Variants in SNX25 observed in about 807,000 individuals in gnomAD.
The protein encoded by SNX25 is sorting nexin 25, also known as sorting nexin-25.
In SNX25, 62 loss-of-function variants were observed where a neutral mutation model predicts 113.7. The observed-to-expected ratio is 0.55, with a 90% CI of 0.44 to 0.67. The LOEUF (loss-of-function observed/expected upper bound fraction) is 0.67, where lower values mean the gene tolerates loss of function less well. Ranked by LOEUF, SNX25 falls within the 30% of genes least tolerant of loss-of-function variation. SNX25 has a pLI of 0.00. For synonymous variants in SNX25, 421 were observed against 436.2 expected, an observed-to-expected ratio of 0.97 and a Z score of 0.43; for missense variants, 1,014 against 1,161.0, an observed-to-expected ratio of 0.87 and a Z score of 1.84.
chr4:185,349,428 C>T (rs964177218), intron 13 of SNX25, among the ~76,000 whole-genome samples: 2 of 152,126 alleles, frequency 1.3e-5, no homozygotes, highest in Non-Finnish European at 2.9e-5. Flanking sequence ...GATGTATATC[C>T]AGTACTGACA....
At chr4:185,369,741 A>T (rs778079049) in intron 11 of SNX25, 1 of 441,476 alleles carries the variant, frequency 2.3e-6, no homozygotes, top group Admixed American at 2.5e-5. Context: ...TGACATTGGA[A>T]TCCCACAGGG....
the SNX25 span, chr4:185,378,254 C>T: frequency 8.8e-6 from 14 of 1,598,186 alleles, no homozygotes; most frequent in Non-Finnish European, 1.2e-5. Context: ...CTTCCTCCAG[C>T]GAAGTGCAAA....
At chr4:185,239,932 T>G (rs1382575625) in intron 1 of SNX25, among the ~76,000 whole-genome samples, 1 of 150,808 alleles carries the variant, frequency 6.6e-6, no homozygotes, top group Non-Finnish European at 1.5e-5. Flanking sequence ...AGTGTTTGTG[T>G]CCCTGGGTAC....
At chr4:185,377,244 G>A in the SNX25 span, 4 of 469,532 alleles carry the variant, frequency 8.5e-6, no homozygotes, top group South Asian at 2.8e-5. Context: ...CTGGCCGGGC[G>A]CGGTGGCTCA....
chr4:185,237,046 T>C (rs923877785), intron 1 of SNX25, among the ~76,000 whole-genome samples: 1 of 152,194 alleles, frequency 6.6e-6, no homozygotes, highest in Non-Finnish European at 1.5e-5. Flanking sequence ...AATTATAGCA[T>C]TTTTGAAATT....
intron 1 of SNX25, among the ~76,000 whole-genome samples, chr4:185,221,025 C>A (rs540091168): frequency 1.6e-4 from 25 of 151,700 alleles, no homozygotes; most frequent in Non-Finnish European, 3.4e-4. Context: ...TGCCACCACA[C>A]CCAGCTAATT....
intron 5 of SNX25, among the ~76,000 whole-genome samples, chr4:185,286,776 C>A (rs1579626018): frequency 6.6e-6 from 1 of 152,188 alleles, no homozygotes; most frequent in Non-Finnish European, 1.5e-5. Flanking sequence ...CAACACTGCT[C>A]CTGACAGCCT....
intron 1 of SNX25, among the ~76,000 whole-genome samples, chr4:185,233,178 G>T (rs1285394662): frequency 2.0e-5 from 3 of 152,168 alleles, no homozygotes; most frequent in Non-Finnish European, 4.4e-5. Context: ...CAGCTATTTG[G>T]GAGGCTGAGG....
chr4:185,235,696 A>G (rs1215127953), intron 1 of SNX25, among the ~76,000 whole-genome samples: 1 of 152,192 alleles, frequency 6.6e-6, no homozygotes. Flanking sequence ...GTTCAAGACC[A>G]GCCTGGGCAA....
intron 2 of SNX25, among the ~76,000 whole-genome samples, chr4:185,249,289 A>G (rs1439787888): frequency 6.6e-6 from 1 of 152,166 alleles, no homozygotes; most frequent in African/African-American, 2.4e-5. Flanking sequence ...GTTGTCTCAT[A>G]TTACCACCAA....
downstream of SNX25, chr4:185,374,404 G>A (rs369234994): frequency 7.2e-5 from 117 of 1,613,970 alleles, no homozygotes; most frequent in Non-Finnish European, 9.5e-5. Context: ...AATTTTAAGT[G>A]TCTTGCTTTG....
chr4:185,321,678 T>C (rs1275493145), intron 8 of SNX25, among the ~76,000 whole-genome samples: 1 of 152,212 alleles, frequency 6.6e-6, no homozygotes, highest in Non-Finnish European at 1.5e-5. Flanking sequence ...AATAAATATT[T>C]AAGAATTAAG....
intron 6 of SNX25, among the ~76,000 whole-genome samples, chr4:185,300,181 G>A (rs1753435701): frequency 6.6e-6 from 1 of 150,398 alleles, no homozygotes; most frequent in Non-Finnish European, 1.5e-5. Flanking sequence ...TTTTTTTGAG[G>A]TGGAGCCTCG....
chr4:185,215,792 C>CT lies in SNX25; in HGVS notation c.429+5552dup, dbSNP rs80171477. Reference sequence around the variant, plus strand: ...TATAAGCGTTGTTTTACTTTAAATTCTTTTTTTTTTTTTTTGATACAGGAT... The same window carrying CT: ...TATAAGCGTTGTTTTACTTTAAATTCTTTTTTTTTTTTTTTTGATACAGGAT... On this transcript the variant is annotated intron_variant, in intron 1 of 18. Transcript: ENST00000652585. Among the ~76,000 whole-genome samples, 644 of 140,484 alleles carry CT rather than the reference C, an allele frequency of 4.6e-3. 2 individuals are homozygous for CT. Among genetic ancestry groups the CT allele is most frequent in the South Asian group, 7.4e-3 (32 of 4,304 alleles). 92.2% of individuals were successfully genotyped at this position (140,484 alleles called of 152,430 possible).
intron 1 of SNX25, among the ~76,000 whole-genome samples, chr4:185,237,888 C>A (rs943778273): frequency 1.3e-5 from 2 of 151,486 alleles, no homozygotes; most frequent in African/African-American, 2.4e-5. Context: ...CATGGAGAAA[C>A]CCCGTCTCTA....
intron 7 of SNX25, among the ~76,000 whole-genome samples, chr4:185,315,947 A>C (rs2126675232): frequency 6.6e-6 from 1 of 152,318 alleles, no homozygotes; most frequent in African/African-American, 2.4e-5. Flanking sequence ...CAGCTTAATT[A>C]AGGTATAATG....
intron 6 of SNX25, chr4:185,296,060 C>T (rs555116742): frequency 1.3e-5 from 2 of 152,334 alleles, no homozygotes; most frequent in East Asian, 3.9e-4. Context: ...TCCAGAATGG[C>T]ACCTTCTTAT....
At chr4:185,287,837 A>G (rs368263223) in intron 5 of SNX25, among the ~76,000 whole-genome samples, 175 bp from the exon 6 acceptor site, 8 of 152,266 alleles carry the variant, frequency 5.3e-5, no homozygotes, top group African/African-American at 1.7e-4. Context: ...AGCGCGTGGC[A>G]TGGGGCCCGG....
chr4:185,374,251 A>G, downstream of SNX25: 1 of 1,614,118 alleles, frequency 6.2e-7, no homozygotes, highest in Non-Finnish European at 8.5e-7. Context: ...CTACAAGAGA[A>G]AGTGAGGCAT....
Sources: allele counts gnomAD v4.1 joint callset (sites outside exome capture counted in the v4.1 genomes callset), GRCh38; gene constraint gnomAD v4.1.1; transcripts MANE v1.5; gene names NCBI Gene and HGNC (gene_info 2026-07-23, HGNC 2026-07-21).